Variants in AKAP19 observed in about 807,000 individuals in gnomAD.
AKAP19 encodes A-kinase anchoring protein 19.
chr2:189,972,595 T>C, the AKAP19 span, among the ~76,000 whole-genome samples: 1 of 152,370 alleles, frequency 6.6e-6, no homozygotes, highest in South Asian at 2.1e-4. Context: ...TTCATGATAC[T>C]GATTCTTCCT....
chr2:190,131,220 T>C, the AKAP19 span, among the ~76,000 whole-genome samples: 2 of 152,274 alleles, frequency 1.3e-5, no homozygotes, highest in East Asian at 3.9e-4. Flanking sequence ...CAACTCTTAG[T>C]GGGCACCTAG....
At chr2:189,910,610 C>A in the AKAP19 span, among the ~76,000 whole-genome samples, 270 of 151,816 alleles carry the variant, frequency 1.8e-3, 1 homozygote, top group African/African-American at 6.1e-3. Flanking sequence ...TTCTCTCTCT[C>A]CCCCCACCAC....
the AKAP19 span, among the ~76,000 whole-genome samples, chr2:190,104,429 A>G: frequency 6.6e-6 from 1 of 152,202 alleles, no homozygotes; most frequent in Non-Finnish European, 1.5e-5. Flanking sequence ...ATATTCACAA[A>G]CTATGCATCA....
chr2:189,914,943 C>T, the AKAP19 span, among the ~76,000 whole-genome samples: 1 of 152,120 alleles, frequency 6.6e-6, no homozygotes, highest in African/African-American at 2.4e-5. Flanking sequence ...TACATTTTGC[C>T]TGCCATTGGC....
At chr2:189,996,592 G>A in the AKAP19 span, among the ~76,000 whole-genome samples, 18 of 151,876 alleles carry the variant, frequency 1.2e-4, no homozygotes, top group Non-Finnish European at 1.2e-4. Context: ...TCTTCATCTG[G>A]TAATTCAGAG....
the AKAP19 span, among the ~76,000 whole-genome samples, chr2:190,039,022 C>CTTTCTTTCTTCTCT: frequency 1.9e-5 from 2 of 103,324 alleles, no homozygotes; most frequent in African/African-American, 9.4e-5. Context: ...CTTCCTCTTC[C>CTTTCTTTCTTCTCT]TCTTCTTCCT....
At chr2:189,924,969 AATGAAAGG>A in the AKAP19 span, among the ~76,000 whole-genome samples, 198 of 152,268 alleles carry the variant, frequency 1.3e-3, 2 homozygotes, top group South Asian at 5.4e-3. Flanking sequence ...AATGTTAGTG[AATGAAAGG>A]TGTGTTTAAA....
the AKAP19 span, among the ~76,000 whole-genome samples, chr2:189,897,599 A>T: frequency 6.6e-6 from 1 of 152,144 alleles, no homozygotes; most frequent in Non-Finnish European, 1.5e-5. Flanking sequence ...TTCTTCTTAG[A>T]TCCTTCTCTT....
the AKAP19 span, among the ~76,000 whole-genome samples, chr2:189,900,209 A>G: frequency 1.3e-5 from 2 of 152,214 alleles, no homozygotes; most frequent in Admixed American, 1.3e-4. Flanking sequence ...ATTGTTTATA[A>G]TGAAATGCAT....
chr2:189,964,931 C>T, the AKAP19 span, among the ~76,000 whole-genome samples: 5 of 152,162 alleles, frequency 3.3e-5, no homozygotes, highest in Admixed American at 6.5e-5. Context: ...CCTTCAAGAA[C>T]TTTTCCTTTG....
the AKAP19 span, among the ~76,000 whole-genome samples, chr2:189,988,010 G>C: frequency 6.6e-6 from 1 of 152,082 alleles, no homozygotes; most frequent in East Asian, 1.9e-4. Context: ...TGGGGGTGGT[G>C]GCGGGGGGCA....
At chr2:189,912,516 G>A in the AKAP19 span, among the ~76,000 whole-genome samples, 2 of 152,176 alleles carry the variant, frequency 1.3e-5, no homozygotes, top group Non-Finnish European at 2.9e-5. Flanking sequence ...ACTCCAGCCC[G>A]GGCAACAGAG....
chr2:190,192,971 CCTT>C, the AKAP19 span, among the ~76,000 whole-genome samples: 355 of 152,138 alleles, frequency 2.3e-3, 4 homozygotes, highest in Middle Eastern at 0.017. Context: ...GCAGTTTTCT[CCTT>C]CTCTCAATCT....
At chr2:189,900,932 T>C in the AKAP19 span, among the ~76,000 whole-genome samples, 2 of 152,182 alleles carry the variant, frequency 1.3e-5, no homozygotes, top group African/African-American at 4.8e-5. Context: ...AACACCAAGG[T>C]TGCAGTGAGC....
chr2:189,887,778 G>A, the AKAP19 span, among the ~76,000 whole-genome samples: 3 of 151,912 alleles, frequency 2.0e-5, no homozygotes, highest in African/African-American at 7.3e-5. Context: ...TTTGAGAAGT[G>A]TCTGTTCATA....
the AKAP19 span, among the ~76,000 whole-genome samples, chr2:189,884,718 G>C: frequency 6.6e-6 from 1 of 152,332 alleles, no homozygotes; most frequent in East Asian, 1.9e-4. Flanking sequence ...AGGATACTCT[G>C]TTTATGCTAG....
the AKAP19 span, among the ~76,000 whole-genome samples, chr2:190,125,017 A>ATGTGT: frequency 1.3e-5 from 2 of 152,180 alleles, no homozygotes; most frequent in African/African-American, 2.4e-5. Flanking sequence ...AGGGGCAGTA[A>ATGTGT]CACACATGGA....
chr2:190,195,519 A>G, the AKAP19 span, among the ~76,000 whole-genome samples: 108 of 152,304 alleles, frequency 7.1e-4, no homozygotes, highest in Admixed American at 1.4e-3. Context: ...GATGTTGAAC[A>G]CTTTTCCATA....
chr2:189,928,690 T>A, the AKAP19 span, among the ~76,000 whole-genome samples: 5 of 152,252 alleles, frequency 3.3e-5, no homozygotes, highest in Non-Finnish European at 7.4e-5. Flanking sequence ...GATACTATAG[T>A]TGAATGTCAA....
Sources: gnomAD v4.1 joint callset for allele counts (sites outside exome capture counted in the v4.1 genomes callset) on GRCh38, gnomAD v4.1.1 for gene constraint, MANE v1.5 for transcripts, NCBI Gene and HGNC (gene_info 2026-07-23, HGNC 2026-07-21) for gene names.